RBFOX3: variants seen among roughly 807,000 people sequenced by gnomAD.
RBFOX3 encodes the protein RNA binding protein fox-1 homolog 3.
Under a neutral mutation model 48.7 loss-of-function variants are expected in RBFOX3, and 17 were observed. That is an observed-to-expected ratio of 0.35 (90% CI 0.24 to 0.52). RBFOX3 has a LOEUF of 0.52. Ranked by LOEUF, RBFOX3 falls within the 20% of genes least tolerant of loss-of-function variation. The pLI, the probability that RBFOX3 is intolerant of heterozygous loss-of-function variation, is 0.94. For missense variants in RBFOX3, 382 were observed against 497.5 expected, an observed-to-expected ratio of 0.77 and a Z score of 2.21; for synonymous variants, 212 against 209.5, an observed-to-expected ratio of 1.01 and a Z score of -0.10.
the RBFOX3 span, among the ~76,000 whole-genome samples, chr17:79,652,561 G>A: frequency 2.2e-5 from 1 of 45,152 alleles, no homozygotes; most frequent in South Asian, 7.5e-4. Context: ...AAGAGAGGAA[G>A]GAAAGGAAAG....
At chr17:79,489,764 G>GGA (rs1477680586) in intron 1 of RBFOX3, among the ~76,000 whole-genome samples, 2 of 152,142 alleles carry the variant, frequency 1.3e-5, no homozygotes, top group African/African-American at 4.8e-5. Flanking sequence ...GCTTCTCCCT[G>GGA]GGTGCCAGTG....
At chr17:79,506,793 G>C (rs1462565361) in intron 1 of RBFOX3, among the ~76,000 whole-genome samples, 20 of 152,206 alleles carry the variant, frequency 1.3e-4, no homozygotes, top group African/African-American at 4.6e-4. Context: ...GGGCCGCAGA[G>C]GAGCGGCGGC....
intron 2 of RBFOX3, among the ~76,000 whole-genome samples, chr17:79,309,047 C>T (rs1459956778): frequency 6.6e-6 from 1 of 150,640 alleles, no homozygotes; most frequent in African/African-American, 2.4e-5. Context: ...GCAGAGATTG[C>T]AGCGAGCTGA....
At chr17:79,323,924 C>T (rs2078932473) in intron 2 of RBFOX3, among the ~76,000 whole-genome samples, 1 of 152,232 alleles carries the variant, frequency 6.6e-6, no homozygotes, top group South Asian at 2.1e-4. Flanking sequence ...CTTGCATTTC[C>T]AGGCTATTTT....
At chr17:79,232,757 C>T (rs969243595) in intron 4 of RBFOX3, among the ~76,000 whole-genome samples, 39 of 152,244 alleles carry the variant, frequency 2.6e-4, no homozygotes, top group African/African-American at 7.7e-4. Flanking sequence ...AATAACCATA[C>T]GAATAGATTC....
intron 2 of RBFOX3, among the ~76,000 whole-genome samples, chr17:79,478,151 G>A (rs1250695862): frequency 1.3e-5 from 2 of 152,218 alleles, no homozygotes; most frequent in Admixed American, 6.5e-5. Context: ...AGCCCTCAAG[G>A]GTGCCATGCT....
chr17:79,321,769 A>C (rs942821498), intron 2 of RBFOX3, among the ~76,000 whole-genome samples: 2 of 150,018 alleles, frequency 1.3e-5, no homozygotes, highest in African/African-American at 2.5e-5. Context: ...GCAGTGGCAC[A>C]ATTTTGGCTC....
At chr17:79,179,652 ATAAAG>A (rs2051423760) in intron 4 of RBFOX3, among the ~76,000 whole-genome samples, 1 of 152,200 alleles carries the variant, frequency 6.6e-6, no homozygotes, top group African/African-American at 2.4e-5. Context: ...CAGTTTAATA[ATAAAG>A]TAATTACCGT....
chr17:79,557,956 G>A (rs923196622), intron 1 of RBFOX3, among the ~76,000 whole-genome samples: 50 of 152,312 alleles, frequency 3.3e-4, no homozygotes, highest in African/African-American at 1.2e-3. Flanking sequence ...GGGAAGATAA[G>A]TAGCTCCCAA....
At position 79,480,160 on chromosome 17, in the gene RBFOX3, G is replaced by C. The variant is rs1056218301; in HGVS notation, c.-175+2294C>G. On this transcript the variant is annotated intron_variant, in intron 2 of 14. Coordinates refer to ENST00000693108, the MANE Select transcript of RBFOX3 (RefSeq NM_001350451.2). The surrounding 1 kb of genome is among the most constrained non-coding windows in gnomAD (Gnocchi z 4.8). Reference sequence around the variant, plus strand: ...TTCCTGCCCTCTAAACAGTCACATTGCTGCTTCTCTGTCCCATACAGGCTG... The same window carrying C: ...TTCCTGCCCTCTAAACAGTCACATTCCTGCTTCTCTGTCCCATACAGGCTG... Among the ~76,000 whole-genome samples, 1 of 152,212 alleles carries C rather than the reference G, an allele frequency of 6.6e-6. No individual in the cohort carries two copies. Among genetic ancestry groups the C allele is most frequent in the Non-Finnish European group, 1.5e-5 (1 of 68,032 alleles).
At chr17:79,200,798 C>G (rs892485868) in intron 4 of RBFOX3, among the ~76,000 whole-genome samples, 2 of 152,106 alleles carry the variant, frequency 1.3e-5, no homozygotes, top group Non-Finnish European at 2.9e-5. Context: ...CACCTGGACC[C>G]CTGGTCCCCC....
intron 4 of RBFOX3, among the ~76,000 whole-genome samples, chr17:79,143,781 G>A (rs149294474): frequency 2.0e-5 from 3 of 152,316 alleles, no homozygotes; most frequent in Non-Finnish European, 4.4e-5. Context: ...GGTGCCCTCG[G>A]AGCCCCTCCT....
chr17:79,357,895 T>TA (rs1472304837), intron 2 of RBFOX3, among the ~76,000 whole-genome samples: 1 of 151,700 alleles, frequency 6.6e-6, no homozygotes, highest in Non-Finnish European at 1.5e-5. Context: ...GTTTTTTTTT[T>TA]ACTTTAGTAT....
At chr17:79,540,224 T>C (rs2089474272) in intron 1 of RBFOX3, among the ~76,000 whole-genome samples, 1 of 152,236 alleles carries the variant, frequency 6.6e-6, no homozygotes, top group African/African-American at 2.4e-5. Context: ...CAGATGCTGA[T>C]ATTCAGCGTG....
upstream of RBFOX3, among the ~76,000 whole-genome samples, chr17:79,615,884 C>A (rs2093991844): frequency 6.6e-6 from 1 of 152,200 alleles, no homozygotes. Context: ...AAGCGTGGGG[C>A]AGCTGCGGTT....
chr17:79,485,854 C>A (rs1264242792), intron 1 of RBFOX3, among the ~76,000 whole-genome samples: 1 of 152,230 alleles, frequency 6.6e-6, no homozygotes. Flanking sequence ...CTAGCCCCAC[C>A]GATAGGCCCA....
At chr17:79,141,806 C>T (rs571968129) in intron 4 of RBFOX3, among the ~76,000 whole-genome samples, 13 of 152,216 alleles carry the variant, frequency 8.5e-5, no homozygotes, top group South Asian at 8.3e-4. Flanking sequence ...CAGTGCCCCC[C>T]GGTCGCAAGC....
chr17:79,127,371 T>C (rs2707046), intron 4 of RBFOX3, among the ~76,000 whole-genome samples: 73,828 of 151,686 alleles, frequency 0.49, 19,055 homozygotes, highest in Non-Finnish European at 0.6. Context: ...GAGGGAGACC[T>C]GAGGGAGAAG....
intron 4 of RBFOX3, among the ~76,000 whole-genome samples, chr17:79,175,839 GAGA>G (rs1402294881): frequency 6.6e-6 from 1 of 152,272 alleles, no homozygotes; most frequent in African/African-American, 2.4e-5. Flanking sequence ...GCTCTCTGGA[GAGA>G]AGATGTAAAA....
Sources: allele counts gnomAD v4.1 joint callset (sites outside exome capture counted in the v4.1 genomes callset), GRCh38; gene constraint gnomAD v4.1.1; non-coding constraint Gnocchi (gnomAD v3.1); transcripts MANE v1.5; gene names NCBI Gene and HGNC (gene_info 2026-07-23, HGNC 2026-07-21).